Variants in ACAD9 observed in about 807,000 individuals in gnomAD.
The protein encoded by ACAD9 is acyl-CoA dehydrogenase family member 9, also known as complex I assembly factor ACAD9, mitochondrial.
Under a neutral mutation model 70.2 loss-of-function variants are expected in ACAD9, and 53 were observed. That is an observed-to-expected ratio of 0.75 (90% CI 0.61 to 0.95). ACAD9 has a LOEUF of 0.95. Among genes scored for constraint, ACAD9 ranks in the 40% least tolerant of loss-of-function variants. The pLI, the probability that ACAD9 is intolerant of heterozygous loss-of-function variation, is 0.00. For missense variants in ACAD9, 777 were observed against 802.8 expected (o/e 0.97, Z 0.39); for synonymous variants, 313 against 312.1 (o/e 1.00, Z -0.03).
intron 2 of ACAD9, among the ~76,000 whole-genome samples, chr3:128,891,786 T>C (rs6791451): frequency 0.58 from 88,656 of 152,148 alleles, 28,770 homozygotes; most frequent in African/African-American, 0.88. Context: ...CATAGTGTTT[T>C]TTTCATCTCT....
chr3:128,897,307 G>A (rs571474285), intron 5 of ACAD9, among the ~76,000 whole-genome samples: 11 of 152,090 alleles, frequency 7.2e-5, no homozygotes, highest in African/African-American at 2.7e-4. Flanking sequence ...TCAGCCTCCC[G>A]AGTAGCTGGG....
chr3:128,881,654 G>A (rs1935098030), intron 1 of ACAD9, among the ~76,000 whole-genome samples: 1 of 152,144 alleles, frequency 6.6e-6, no homozygotes, highest in African/African-American at 2.4e-5. Context: ...TGTGTGATCT[G>A]TTCTCAGACC....
chr3:128,910,925 A>T, intron 17 of ACAD9, 112 bp downstream of exon 17: 1 of 1,326,378 alleles, frequency 7.5e-7, no homozygotes, highest in Non-Finnish European at 1.1e-6. Flanking sequence ...CTACTCACAG[A>T]CCTCTGCCTT....
intron 15 of ACAD9, 102 bp from the exon 16 acceptor site, chr3:128,909,919 G>C: frequency 6.6e-7 from 1 of 1,523,704 alleles, no homozygotes. Context: ...CTTTCTCAAG[G>C]AACACAGGAG....
At chr3:128,901,376 A>G (rs1463905937) in intron 8 of ACAD9, 27 bp downstream of exon 8, 1 of 1,613,390 alleles carries the variant, frequency 6.2e-7, no homozygotes, top group Admixed American at 1.7e-5. Flanking sequence ...AGCCCCTTGT[A>G]CCAGGTAGTG....
chr3:128,910,822 C>G lies in ACAD9; in HGVS notation c.1765+9C>G. On this transcript the variant is annotated intron_variant, in intron 17 of 17. Transcript: ENST00000308982. ...CTCTCAGCTGGACAAGTGTGAGTGG[C>G]ATGTCTTGGGGGAGGGAAGGAAGGG... The G allele has an allele frequency of 6.2e-7, 1 of 1,614,046 alleles. No homozygotes were observed.
In ACAD9 at chr3:128,896,339, G is replaced by T. The variant is rs987285762; in HGVS notation, c.454-97G>T. 3.9e-6 allele frequency: 5 copies of T among 1,296,884 alleles called. No homozygotes were observed. In the East Asian group the frequency reaches 1.2e-4, roughly 32 times the overall value. The allele number at this position is 1,296,884 out of a possible 1,614,324, so 80.3% of individuals were successfully genotyped here. A position where few individuals can be genotyped will look rare whatever the true frequency, so the allele number is the denominator to read the frequency against. ...GAGTTCTTGCTGTCTTCTCTTGCCCGAAGTAAATATTTGCCTCAGAAAGGA... is the reference window on the plus strand; with the variant it reads ...GAGTTCTTGCTGTCTTCTCTTGCCCTAAGTAAATATTTGCCTCAGAAAGGA... On this transcript the variant is annotated intron_variant, in intron 4 of 17. Coordinates refer to ENST00000308982, the MANE Select transcript of ACAD9 (RefSeq NM_014049.5).
chr3:128,901,468 C>T, intron 8 of ACAD9, 119 bp downstream of exon 8: 1 of 1,160,134 alleles, frequency 8.6e-7, no homozygotes. Flanking sequence ...GGTGACTTTG[C>T]ATGGTTATCT....
chr3:128,901,023 A>G (rs1935721687), intron 7 of ACAD9, among the ~76,000 whole-genome samples: 1 of 152,064 alleles, frequency 6.6e-6, no homozygotes, highest in Non-Finnish European at 1.5e-5. Context: ...GCCAACCTCC[A>G]TTTCTCTTTA....
At chr3:128,909,957 G>A (rs1936080868) in intron 15 of ACAD9, 64 bp from the exon 16 acceptor site, 1 of 1,598,032 alleles carries the variant, frequency 6.3e-7, no homozygotes. Flanking sequence ...TGCAGCCCAG[G>A]GAGGGACCAT....
At chr3:128,896,115 A>G (rs1935561755) in intron 4 of ACAD9, among the ~76,000 whole-genome samples, 1 of 152,204 alleles carries the variant, frequency 6.6e-6, no homozygotes, top group African/African-American at 2.4e-5. Context: ...GTGGATGACA[A>G]GATGGAGGAG....
chr3:128,893,617 A>G lies in ACAD9; in HGVS notation c.307A>G (p.Ser103Gly). 1 of 1,614,220 alleles carries G rather than the reference A, an allele frequency of 6.2e-7. No homozygotes were observed. The highest frequency in any genetic ancestry group is 8.5e-7 in the Non-Finnish European group (1 of 1,180,034). Residue 103 changes from serine to glycine, a missense_variant, in exon 3 of 18, where the codon AGC (serine) becomes GGC (glycine). Transcript: ENST00000308982. ...IPDETLEKLK[S>G]LGLFGLQVPE... Reference sequence around the variant, plus strand: ...AGATGAAACTTTGGAGAAATTGAAGAGCCTAGGGCTTTTTGGGCTGCAAGT... The same window carrying G: ...AGATGAAACTTTGGAGAAATTGAAGGGCCTAGGGCTTTTTGGGCTGCAAGT...
At chr3:128,889,843 A>G (rs183239307) in intron 2 of ACAD9, among the ~76,000 whole-genome samples, 78 of 152,198 alleles carry the variant, frequency 5.1e-4, no homozygotes, top group Non-Finnish European at 1.0e-3. Context: ...TTTTTAAGAG[A>G]CAGGGTCTTT....
chr3:128,895,201 A>G (rs1237355032), intron 3 of ACAD9, 109 bp from the exon 4 acceptor site: 1 of 827,942 alleles, frequency 1.2e-6, no homozygotes, highest in Non-Finnish European at 2.0e-6. Flanking sequence ...TTTTTTTAAT[A>G]TGGTGATCTG....
At chr3:128,882,745 T>G (rs1935129521) in intron 1 of ACAD9, among the ~76,000 whole-genome samples, 2 of 152,248 alleles carry the variant, frequency 1.3e-5, no homozygotes, top group Admixed American at 1.3e-4. Flanking sequence ...TGCACTAGAT[T>G]TCTTTGAATA....
chr3:128,904,586 T>A (rs916198389), intron 11 of ACAD9, 81 bp downstream of exon 11: 2 of 1,551,604 alleles, frequency 1.3e-6, no homozygotes. Flanking sequence ...AAGCCCATGC[T>A]GTTGCCTGTC....
chr3:128,890,296 GGCCA>G (rs1274641735), intron 2 of ACAD9, among the ~76,000 whole-genome samples: 7 of 152,114 alleles, frequency 4.6e-5, no homozygotes, highest in African/African-American at 1.7e-4. Flanking sequence ...ATGTTGGCCA[GGCCA>G]ATCTCGAACT....
chr3:128,892,474 AGT>A (rs1318540447), intron 2 of ACAD9, among the ~76,000 whole-genome samples: 1 of 152,238 alleles, frequency 6.6e-6, no homozygotes, highest in Non-Finnish European at 1.5e-5. Flanking sequence ...TGCATACAAA[AGT>A]GTGCAATTAT....
In ACAD9 at chr3:128,912,677, T is replaced by G; in HGVS notation, c.*70T>G. On this transcript the variant is annotated 3_prime_UTR_variant, in exon 18 of 18. Coordinates refer to ENST00000308982, the MANE Select transcript of ACAD9 (RefSeq NM_014049.5). ...CCCGTTGCTGGATGACTGTTACTCTTTTTTCAGAAGGTGTTGGGATTATCA... is the reference window on the plus strand; with the variant it reads ...CCCGTTGCTGGATGACTGTTACTCTGTTTTCAGAAGGTGTTGGGATTATCA... 1 of 1,332,638 alleles carries G rather than the reference T, an allele frequency of 7.5e-7. No individual in the cohort carries two copies. Among genetic ancestry groups the G allele is most frequent in the Non-Finnish European group, 1.1e-6 (1 of 924,594 alleles). The allele number at this position is 1,332,638 out of a possible 1,614,324, so 82.6% of individuals were successfully genotyped here. A position where few individuals can be genotyped will look rare whatever the true frequency, so the allele number is the denominator to read the frequency against.
Sources: allele counts gnomAD v4.1 joint callset (sites outside exome capture counted in the v4.1 genomes callset), GRCh38; gene constraint gnomAD v4.1.1; transcripts MANE v1.5; gene names NCBI Gene and HGNC (gene_info 2026-07-23, HGNC 2026-07-21).